Variants in RBBP8 observed in about 807,000 individuals in gnomAD.
RBBP8 encodes the protein RB binding protein 8, endonuclease.
RBBP8 carries 88 observed loss-of-function variants against 108.3 expected under a neutral mutation model. The observed-to-expected ratio is 0.81, with a 90% confidence interval of 0.68 to 0.97. The LOEUF is 0.97. Ranked by LOEUF, RBBP8 falls within the 50% of genes least tolerant of loss-of-function variation. RBBP8 has a pLI of 0.00. For synonymous variants in RBBP8, 332 were observed against 348.2 expected (o/e 0.95, Z 0.52); for missense variants, 1,023 against 1,049.0 (o/e 0.98, Z 0.34).
Position 22,993,556 on chromosome 18 carries a change from A to G in RBBP8, c.1729A>G (p.Ile577Val), listed in dbSNP as rs1915855973. ...CSPDNKPSLQ[I>V]KEENAVFKIP... is the part of the protein sequence containing the mutation. Reference sequence around the variant, plus strand: ...TCCAGACAATAAACCATCATTACAAATAAAAGAAGAAAATGCTGTCTTTAA... The same window carrying G: ...TCCAGACAATAAACCATCATTACAAGTAAAAGAAGAAAATGCTGTCTTTAA... The change falls in exon 11 of 19, where the codon ATA becomes GTA. Residue 577 changes from isoleucine (I) to valine (V), a missense_variant. Transcript: ENST00000327155. 3 of 1,613,350 alleles carry G rather than the reference A, an allele frequency of 1.9e-6. No homozygotes were observed. The highest frequency in any genetic ancestry group is 2.5e-6 in the Non-Finnish European group (3 of 1,179,908).
upstream of RBBP8, among the ~76,000 whole-genome samples, chr18:22,929,796 G>C (rs1909955919): frequency 6.6e-6 from 1 of 152,052 alleles, no homozygotes. Flanking sequence ...TTAATCAGGA[G>C]GCCAGGTTGT....
chr18:22,952,711 A>ATTAG, intron 4 of RBBP8, among the ~76,000 whole-genome samples: 1 of 152,080 alleles, frequency 6.6e-6, no homozygotes, highest in Non-Finnish European at 1.5e-5. Context: ...AAAGGAAATC[A>ATTAG]TTAGTTACTC....
At chr18:22,976,361 T>C (rs930909) in intron 6 of RBBP8, among the ~76,000 whole-genome samples, 77,549 of 151,966 alleles carry the variant, frequency 0.51, 22,351 homozygotes, top group Middle Eastern at 0.7. Flanking sequence ...ATTTTAATAA[T>C]GCTGTATAAT....
chr18:22,924,142 T>TTTC (rs1909705165), intron 3 of RBBP8, among the ~76,000 whole-genome samples: 1 of 146,314 alleles, frequency 6.8e-6, no homozygotes, highest in Non-Finnish European at 1.5e-5. Context: ...TTTTTTTTTT[T>TTTC]TTTTTGAGAC....
intron 16 of RBBP8, among the ~76,000 whole-genome samples, chr18:23,015,980 G>A (rs933420855): frequency 1.3e-5 from 2 of 152,100 alleles, no homozygotes; most frequent in Non-Finnish European, 2.9e-5. Flanking sequence ...CATAGTCTCA[G>A]CTCGCTGCAA....
At chr18:22,976,175 A>G (rs1355610828) in intron 6 of RBBP8, among the ~76,000 whole-genome samples, 1 of 152,156 alleles carries the variant, frequency 6.6e-6, no homozygotes, top group Admixed American at 6.5e-5. Flanking sequence ...TTACTGGTAT[A>G]CTTTTAGGAT....
chr18:22,933,870 C>G (rs1476892624), intron 1 of RBBP8: 1 of 152,216 alleles, frequency 6.6e-6, no homozygotes, highest in Non-Finnish European at 1.5e-5. Context: ...GTTTTTTGGC[C>G]AGACCCGCAC....
intron 4 of RBBP8, among the ~76,000 whole-genome samples, chr18:22,962,229 C>CT (rs533946738): frequency 7.3e-5 from 11 of 150,070 alleles, no homozygotes; most frequent in Non-Finnish European, 1.5e-4. Context: ...ACCCTTCTGA[C>CT]TTTTTTTTTT....
At chr18:22,964,058 C>T (rs1913349525) in intron 4 of RBBP8, among the ~76,000 whole-genome samples, 1 of 152,120 alleles carries the variant, frequency 6.6e-6, no homozygotes, top group Admixed American at 6.5e-5. Flanking sequence ...CTTCTTTTAG[C>T]TTCTAATGTT....
intron 4 of RBBP8, among the ~76,000 whole-genome samples, chr18:22,967,196 C>G (rs1354230087): frequency 6.6e-6 from 1 of 151,970 alleles, no homozygotes; most frequent in East Asian, 1.9e-4. Context: ...GAAACCCCAT[C>G]TCTATGAAAA....
At chr18:23,018,664 A>T (rs1363417733) in intron 17 of RBBP8, among the ~76,000 whole-genome samples, 3 of 152,232 alleles carry the variant, frequency 2.0e-5, no homozygotes, top group Non-Finnish European at 2.9e-5. Flanking sequence ...TTGTATAGGG[A>T]ATGACAAGAA....
chr18:22,997,035 T>C (rs10048356), intron 13 of RBBP8, among the ~76,000 whole-genome samples: 2,457 of 152,312 alleles, frequency 0.016, 77 homozygotes, highest in African/African-American at 0.057. Flanking sequence ...GCATATCTTA[T>C]ATAATTTTAT....
At chr18:22,957,653 T>G (rs980716914) in intron 4 of RBBP8, among the ~76,000 whole-genome samples, 2 of 152,116 alleles carry the variant, frequency 1.3e-5, no homozygotes, top group Non-Finnish European at 2.9e-5. Flanking sequence ...TTGGGAGTGT[T>G]TTTTCTTTAG....
At chr18:22,963,879 AT>A (rs1913333385) in intron 4 of RBBP8, among the ~76,000 whole-genome samples, 1 of 152,138 alleles carries the variant, frequency 6.6e-6, no homozygotes, top group African/African-American at 2.4e-5. Flanking sequence ...TCTCACTACC[AT>A]TTTGAGACCT....
chr18:22,976,056 T>A (rs547477683), intron 6 of RBBP8, among the ~76,000 whole-genome samples: 61 of 152,278 alleles, frequency 4.0e-4, no homozygotes, highest in African/African-American at 1.5e-3. Flanking sequence ...CCTGTTGCGT[T>A]TAAGTAGACA....
rs780765848 is a variant in RBBP8 at position 22,993,462 on chromosome 18, G to T, written c.1635G>T (p.Leu545Phe). 4 of 1,614,212 alleles carry T rather than the reference G, an allele frequency of 2.5e-6. No homozygotes were observed. In the South Asian group the frequency reaches 4.4e-5, roughly 18 times the overall value. Residue 545 changes from leucine (L) to phenylalanine (F), a missense_variant, in exon 11 of 19, where the codon TTG (leucine) becomes TTT (phenylalanine). Physicochemically the swap from Leu to Phe is conservative, Grantham distance 22 (BLOSUM62 0). Coordinates refer to ENST00000327155, the MANE Select transcript of RBBP8 (RefSeq NM_002894.3). ...AGGCCTCAGATGGCAACTGCACGTT[G>T]CCCAAAGATTCCCCAGGGGAGCCCT... The part of the protein sequence containing the change: ...SRKASDGNCT[L>F]PKDSPGEPCS...
chr18:22,993,910 A>G lies in RBBP8; in HGVS notation c.1939+63A>G, dbSNP rs60034025. The G allele has an allele frequency of 3.1e-3, 4,672 of 1,521,178 alleles. 131 individuals are homozygous for G. The African/African-American group carries it at 0.057, about 19-fold the overall frequency. The allele number at this position is 1,521,178 out of a possible 1,614,324, so 94.2% of individuals were successfully genotyped here. ...GACTTCAGATTGAATGTCATTATTT[A>G]CTTTTTTAAATAGATTGAATTGTTT... On this transcript the variant is annotated intron_variant, in intron 12 of 18. Coordinates refer to ENST00000327155, the MANE Select transcript of RBBP8 (RefSeq NM_002894.3).
At chr18:22,915,249 T>C (rs1909309338) in intron 1 of RBBP8, among the ~76,000 whole-genome samples, 1 of 152,182 alleles carries the variant, frequency 6.6e-6, no homozygotes, top group Non-Finnish European at 1.5e-5. Context: ...GCAAGACTGA[T>C]GCATCCTTTT....
chr18:22,917,968 A>T (rs1243096981), intron 3 of RBBP8, among the ~76,000 whole-genome samples: 6 of 148,842 alleles, frequency 4.0e-5, no homozygotes, highest in Admixed American at 3.4e-4. Context: ...ACTGCACTCC[A>T]GCCTGGTCAA....
Sources: allele counts gnomAD v4.1 joint callset (sites outside exome capture counted in the v4.1 genomes callset), GRCh38; gene constraint gnomAD v4.1.1; transcripts MANE v1.5; gene names NCBI Gene and HGNC (gene_info 2026-07-23, HGNC 2026-07-21).